The following NCOA2 variants were observed in gnomAD, a reference collection of about 807,000 sequenced individuals.
The protein encoded by NCOA2 is class E basic helix-loop-helix protein 75.
NCOA2 carries 21 observed loss-of-function variants against 145.1 expected under a neutral mutation model. The observed-to-expected ratio is 0.14, with a 90% confidence interval of 0.10 to 0.21. The LOEUF (loss-of-function observed/expected upper bound fraction) is 0.21, where lower values mean the gene tolerates loss of function less well. NCOA2 is among the 10% of genes least tolerant of loss of function. NCOA2 has a pLI of 1.00. For synonymous variants in NCOA2, 619 were observed against 637.5 expected (o/e 0.97, Z 0.44); for missense variants, 1,472 against 1,837.6 (o/e 0.80, Z 3.64).
intron 2 of NCOA2, 71 bp from the exon 3 acceptor site, chr8:70,216,835 CCAA>C (rs1241563012): frequency 1.0e-6 from 1 of 977,968 alleles, no homozygotes; most frequent in Non-Finnish European, 1.6e-6. Context: ...GATCATTTTA[CCAA>C]CAATAAAAGA....
At chr8:70,360,088 T>C (rs1384772872) in intron 1 of NCOA2, among the ~76,000 whole-genome samples, 1 of 152,216 alleles carries the variant, frequency 6.6e-6, no homozygotes, top group Non-Finnish European at 1.5e-5. Context: ...AATGCAGTAT[T>C]TTTTATTTAT....
intron 2 of NCOA2, among the ~76,000 whole-genome samples, chr8:70,247,195 G>T (rs1421632815): frequency 6.6e-6 from 1 of 152,144 alleles, no homozygotes; most frequent in Non-Finnish European, 1.5e-5. Context: ...AACTAACAGA[G>T]CCTGAAATGA....
In NCOA2 at chr8:70,152,914, T is replaced by C. The variant is rs371747820; in HGVS notation, c.2394+3057A>G. On this transcript the variant is annotated intron_variant, in intron 11 of 22. Transcript: ENST00000452400. ...TTGTTTTATCTCACTAAATAACTTATTGTATTCCCTTGAAATGAAAGAAAA... is the reference window on the plus strand; with the variant it reads ...TTGTTTTATCTCACTAAATAACTTACTGTATTCCCTTGAAATGAAAGAAAA... 1.2e-4 allele frequency among the ~76,000 whole-genome samples: 18 copies of C among 152,366 alleles called. No homozygotes were observed. In the South Asian group the frequency reaches 3.1e-3, roughly 26 times the overall value.
At chr8:70,345,054 T>TAA (rs1808495833) in intron 1 of NCOA2, among the ~76,000 whole-genome samples, 1 of 152,140 alleles carries the variant, frequency 6.6e-6, no homozygotes, top group Non-Finnish European at 1.5e-5. Flanking sequence ...CTATGTATGT[T>TAA]AATAGTTAGG....
At chr8:70,411,840 A>G in the NCOA2 span, among the ~76,000 whole-genome samples, 1 of 152,222 alleles carries the variant, frequency 6.6e-6, no homozygotes, top group African/African-American at 2.4e-5. Flanking sequence ...GGTGCGGCCT[A>G]GGAAGGCACA....
At chr8:70,436,040 A>G in the NCOA2 span, among the ~76,000 whole-genome samples, 4 of 152,224 alleles carry the variant, frequency 2.6e-5, no homozygotes, top group South Asian at 2.1e-4. Flanking sequence ...TTGACTTCAT[A>G]TAAGTTTTAT....
At chr8:70,418,447 C>T in the NCOA2 span, among the ~76,000 whole-genome samples, 5 of 152,170 alleles carry the variant, frequency 3.3e-5, no homozygotes, top group African/African-American at 9.7e-5. Flanking sequence ...TCTGTGGATA[C>T]CAGTCAGCCT....
chr8:70,195,072 C>T (rs896958612), intron 4 of NCOA2, among the ~76,000 whole-genome samples: 1 of 152,168 alleles, frequency 6.6e-6, no homozygotes, highest in Non-Finnish European at 1.5e-5. Flanking sequence ...AACTTACCTA[C>T]AGGGAGTGTT....
chr8:70,220,532 A>T (rs1820047016), intron 2 of NCOA2, among the ~76,000 whole-genome samples: 1 of 152,238 alleles, frequency 6.6e-6, no homozygotes, highest in South Asian at 2.1e-4. Flanking sequence ...GCTAGACGGT[A>T]GGGAAGAGTT....
At chr8:70,161,919 A>G (rs1296741553) in intron 9 of NCOA2, among the ~76,000 whole-genome samples, 3 of 152,182 alleles carry the variant, frequency 2.0e-5, no homozygotes, top group Admixed American at 6.5e-5. Context: ...CTTTAACAGA[A>G]AACAACAATG....
the NCOA2 span, among the ~76,000 whole-genome samples, chr8:70,448,496 A>G: frequency 6.6e-6 from 1 of 152,218 alleles, no homozygotes; most frequent in Non-Finnish European, 1.5e-5. Context: ...TTTCTGAACT[A>G]CTGCCCTGTG....
At chr8:70,374,612 G>A (rs560774322) in intron 1 of NCOA2, among the ~76,000 whole-genome samples, 512 of 152,152 alleles carry the variant, frequency 3.4e-3, no homozygotes, top group Non-Finnish European at 5.0e-3. Flanking sequence ...AGAGCAGCCT[G>A]GGAAACAAAT....
chr8:70,127,970 T>C (rs1808627444), intron 18 of NCOA2, among the ~76,000 whole-genome samples: 1 of 152,224 alleles, frequency 6.6e-6, no homozygotes, highest in South Asian at 2.1e-4. Flanking sequence ...TGCTCTCTAG[T>C]GTTCCTAAGT....
intron 1 of NCOA2, among the ~76,000 whole-genome samples, chr8:70,388,219 T>G (rs12681491): frequency 0.11 from 16,056 of 152,268 alleles, 1,305 homozygotes; most frequent in East Asian, 0.41. Flanking sequence ...AAATAAATAT[T>G]CCACATTCTG....
chr8:70,225,466 T>C (rs1478028176), intron 2 of NCOA2, among the ~76,000 whole-genome samples: 1 of 151,702 alleles, frequency 6.6e-6, no homozygotes, highest in Non-Finnish European at 1.5e-5. Context: ...GGAGAATCGC[T>C]TGAACCCCCC....
chr8:70,133,112 T>A (rs1380649602), intron 15 of NCOA2, among the ~76,000 whole-genome samples: 1 of 151,314 alleles, frequency 6.6e-6, no homozygotes, highest in African/African-American at 2.4e-5. Context: ...AGTGATGCCA[T>A]CATGGCTCAC....
intron 1 of NCOA2, among the ~76,000 whole-genome samples, chr8:70,310,107 G>A (rs1004072738): frequency 2.0e-5 from 3 of 152,048 alleles, no homozygotes; most frequent in Admixed American, 2.0e-4. Flanking sequence ...AAGGAGGGAG[G>A]ACTGCTTGAG....
intron 1 of NCOA2, among the ~76,000 whole-genome samples, chr8:70,403,289 G>T (rs1814541032): frequency 6.6e-6 from 1 of 151,110 alleles, no homozygotes; most frequent in Non-Finnish European, 1.5e-5. Context: ...TCGCTCCTCG[G>T]GGCGGGGGCC....
intron 2 of NCOA2, among the ~76,000 whole-genome samples, chr8:70,277,832 C>G (rs966494828): frequency 1.3e-5 from 2 of 152,074 alleles, no homozygotes; most frequent in African/African-American, 4.8e-5. Flanking sequence ...TTCCATATGC[C>G]TGATTCTACC....
Sources: allele counts gnomAD v4.1 joint callset (sites outside exome capture counted in the v4.1 genomes callset), GRCh38; gene constraint gnomAD v4.1.1; transcripts MANE v1.5; gene names NCBI Gene and HGNC (gene_info 2026-07-23, HGNC 2026-07-21).